The following BTN3A1 variants were observed in gnomAD, a reference collection of about 807,000 sequenced individuals.
BTN3A1 encodes butyrophilin subfamily 3 member A1.
A neutral mutation model predicts 43.0 loss-of-function variants in BTN3A1; 24 were observed. That is an observed-to-expected ratio of 0.56 (90% CI 0.40 to 0.78). BTN3A1 has a LOEUF of 0.78. BTN3A1 is among the 30% of genes least tolerant of loss of function. BTN3A1 has a pLI of 0.00. For synonymous variants in BTN3A1, 181 were observed against 234.7 expected (o/e 0.77, Z 2.09); for missense variants, 533 against 626.2 (o/e 0.85, Z 1.59).
At chr6:26,405,679 GCAGA>G (rs1299399107) in intron 2 of BTN3A1, 31 bp downstream of exon 2, 6 of 1,611,848 alleles carry the variant, frequency 3.7e-6, no homozygotes, top group Middle Eastern at 3.3e-4. Flanking sequence ...TGTTTCTGAA[GCAGA>G]CAATTACCTA....
intron 1 of BTN3A1, among the ~76,000 whole-genome samples, chr6:26,404,975 G>C (rs555792442): frequency 6.6e-6 from 1 of 152,318 alleles, no homozygotes; most frequent in Admixed American, 6.5e-5. Flanking sequence ...AGGGAAGAAA[G>C]AAAAGGTAAG....
chr6:26,405,342 T>A, intron 1 of BTN3A1, 30 bp from the exon 2 acceptor site: 1 of 599,070 alleles, frequency 1.7e-6, no homozygotes. Flanking sequence ...GAATAACAGA[T>A]GTGCATTTCA....
At chr6:26,404,709 A>G (rs1761954099) in intron 1 of BTN3A1, among the ~76,000 whole-genome samples, 1 of 152,220 alleles carries the variant, frequency 6.6e-6, no homozygotes, top group Admixed American at 6.5e-5. Flanking sequence ...TTCTGTCTGC[A>G]CCCATGCAAG....
Position 26,413,168 on chromosome 6 carries a change from G to GATGTGATT in BTN3A1, c.1019-1_1019insATGTGATT (p.Ala340AspfsTer6), listed in dbSNP as rs1762276701. 1 of 1,609,234 alleles carries GATGTGATT rather than the reference G, an allele frequency of 6.2e-7. No homozygotes were observed. Among genetic ancestry groups the GATGTGATT allele is most frequent in the African/African-American group, 1.3e-5 (1 of 74,844 alleles). ...TGGACACTTCCTCAAACTCTCTGCA[G>GATGTGATT]CGGATGTGATTCTGGATCCAAAAAC... is the stretch of plus-strand genomic sequence containing the variant. On this transcript the variant is annotated frameshift_variant and splice_region_variant. Transcript: ENST00000289361. LOFTEE classifies it high-confidence loss of function.
chr6:26,409,836 T>C, intron 5 of BTN3A1, 58 bp from the exon 6 acceptor site: 1 of 1,613,620 alleles, frequency 6.2e-7, no homozygotes, highest in Non-Finnish European at 8.5e-7. Context: ...TTAAGGTTAA[T>C]TTTTTAGAAA....
Position 26,407,908 on chromosome 6 carries a change from G to A in BTN3A1, c.671G>A (p.Ser224Asn), listed in dbSNP as rs1057933. Residue 224 changes from serine (S) to asparagine (N), a missense_variant, in exon 4 of 10, where the codon AGT (serine) becomes AAT (asparagine). Ser to Asn is a conservative substitution (Grantham distance 46). Transcript: ENST00000289361. ...SGEGVSCTIR[S>N]SLLGLEKTAS... ...GAGGGTGTATCCTGTACCATCAGAA[G>A]TTCCCTCCTCGGCCTGGAAAAGACA... 2.5e-6 allele frequency: 4 copies of A among 1,614,106 alleles called. No individual in the cohort carries two copies. Among genetic ancestry groups the A allele is most frequent in the Admixed American group, 3.3e-5 (2 of 60,008 alleles).
Position 26,406,161 on chromosome 6 carries a change from T to A in BTN3A1, c.338T>A (p.Ile113Lys). The A allele has an allele frequency of 6.6e-6, 10 of 1,508,822 alleles. No individual in the cohort carries two copies. Among genetic ancestry groups the A allele is most frequent in the Non-Finnish European group, 7.2e-6 (8 of 1,103,480 alleles). 93.5% of individuals were successfully genotyped at this position (1,508,822 alleles called of 1,614,324 possible). A position where few individuals can be genotyped will look rare whatever the true frequency, so the allele number is the denominator to read the frequency against. Residue 113 changes from isoleucine (I) to lysine (K), a missense_variant, in exon 3 of 10, where the codon ATA becomes AAA. Around this residue, in one of 4 missense-constraint regions of BTN3A1, gnomAD observed 51 missense variants for 90.9 expected, o/e 0.56. Transcript: ENST00000289361. ...GITAGKAALR[I>K]HNVTASDSGK... ...ACTGCAGGGAAGGCTGCTCTCCGAA[T>A]ACACAACGTCACAGCCTCTGACAGT...
At position 26,405,934 on chromosome 6, in the gene BTN3A1, T is replaced by C. The variant is rs752346032; in HGVS notation, c.111T>C (p.Ser37=). Residue 37 remains serine (S), a synonymous_variant, in exon 3 of 10, where the codon TCT becomes TCC. Transcript: ENST00000289361. ...HSAQFSVLGP[S]GPILAMVGED... is the part of the protein sequence containing the mutation. ...CTCAGTTTTCTGTGCTTGGACCCTCTGGGCCCATCCTGGCCATGGTGGGTG... is the reference window on the plus strand; with the variant it reads ...CTCAGTTTTCTGTGCTTGGACCCTCCGGGCCCATCCTGGCCATGGTGGGTG... 3 of 1,613,728 alleles carry C rather than the reference T, an allele frequency of 1.9e-6. No individual in the cohort carries two copies. Among genetic ancestry groups the C allele is most frequent in the South Asian group, 1.1e-5 (1 of 91,068 alleles).
At chr6:26,408,323 T>G (rs75782365) in intron 4 of BTN3A1, among the ~76,000 whole-genome samples, 7,786 of 152,148 alleles carry the variant, frequency 0.051, 268 homozygotes, top group Non-Finnish European at 0.082. Flanking sequence ...AGTAAAAAAT[T>G]TTAACAAAGG....
intron 4 of BTN3A1, among the ~76,000 whole-genome samples, chr6:26,408,791 T>C (rs1762105917): frequency 6.6e-6 from 1 of 152,202 alleles, no homozygotes; most frequent in South Asian, 2.1e-4. Flanking sequence ...AAAAAAGAGA[T>C]AATTCTCTCT....
At position 26,413,783 on chromosome 6, in the gene BTN3A1, A is replaced by G; in HGVS notation, c.*91A>G. On this transcript the variant is annotated 3_prime_UTR_variant, in exon 10 of 10. Transcript: ENST00000289361. ...CCGGGCTTAGCTAACGAAAGTGGGG[A>G]GCCTCAGGCTGAAGTAACTTTTCTC... The G allele has an allele frequency of 6.2e-7, 1 of 1,601,488 alleles. No homozygotes were observed. Among genetic ancestry groups the G allele is most frequent in the East Asian group, 2.2e-5 (1 of 44,858 alleles).
intron 7 of BTN3A1, among the ~76,000 whole-genome samples, chr6:26,410,356 C>T (rs1388123324): frequency 2.0e-5 from 3 of 152,106 alleles, no homozygotes; most frequent in Admixed American, 6.6e-5. Flanking sequence ...GACTCTATAG[C>T]CCTGCAAAGC....
intron 1 of BTN3A1, among the ~76,000 whole-genome samples, chr6:26,404,784 C>T (rs1386017400): frequency 9.9e-5 from 15 of 152,214 alleles, no homozygotes; most frequent in South Asian, 2.1e-4. Flanking sequence ...CTAAATTTCA[C>T]ACTTCATGAT....
chr6:26,403,579 G>A (rs978432693), intron 1 of BTN3A1, among the ~76,000 whole-genome samples: 2 of 149,904 alleles, frequency 1.3e-5, no homozygotes, highest in South Asian at 4.2e-4. Flanking sequence ...CCTTAGCAAA[G>A]CATATAACTT....
intron 7 of BTN3A1, among the ~76,000 whole-genome samples, chr6:26,410,513 A>C (rs1395702676): frequency 1.3e-5 from 2 of 152,084 alleles, no homozygotes; most frequent in East Asian, 3.9e-4. Flanking sequence ...AAGAACAAGA[A>C]AATCTGAAAA....
rs1214999268 is a variant in BTN3A1, at chr6:26,413,592, A to G, written c.1442A>G (p.His481Arg). 2 of 1,614,182 alleles carry G rather than the reference A, an allele frequency of 1.2e-6. No individual in the cohort carries two copies. The highest frequency in any genetic ancestry group is 1.7e-6 in the Non-Finnish European group (2 of 1,180,038). ...TTCTACAATGCTGTGGATGGATCGC[A>G]TATTCATACTTTCCTGGACGTCTCC... ...ISFYNAVDGS[H>R]IHTFLDVSFS... Residue 481 changes from histidine (H) to arginine (R), a missense_variant, in exon 10 of 10, where the codon CAT becomes CGT. Transcript: ENST00000289361.
Position 26,406,225 on chromosome 6 carries a change from T to C in BTN3A1, c.402T>C (p.Tyr134=), listed in dbSNP as rs537072716. The change falls in exon 3 of 10, where the codon TAT becomes TAC. Residue 134 remains tyrosine, a synonymous_variant. Coordinates refer to ENST00000289361, the MANE Select transcript of BTN3A1 (RefSeq NM_007048.6). ...GTTATTTCCAAGATGGTGACTTCTA[T>C]GAAAAAGCCCTGGTGGAGCTGAAGG... ...YLCYFQDGDF[Y]EKALVELKVA... The C allele has an allele frequency of 6.2e-5, 84 of 1,362,188 alleles. No homozygotes were observed. The highest frequency in any genetic ancestry group is 5.0e-4 in the African/African-American group (30 of 59,460). The allele number at this position is 1,362,188 out of a possible 1,614,324, so 84.4% of individuals were successfully genotyped here.
At chr6:26,409,809 G>T (rs186270774) in intron 5 of BTN3A1, 76 bp downstream of exon 5, 58 of 1,609,942 alleles carry the variant, frequency 3.6e-5, no homozygotes, top group Non-Finnish European at 4.5e-5. Flanking sequence ...CATCCCCACC[G>T]CAGAGCTCAG....
chr6:26,415,006 C>T lies in BTN3A1; in HGVS notation c.*1314C>T, dbSNP rs1011477783. On this transcript the variant is annotated 3_prime_UTR_variant, in exon 10 of 10. Coordinates refer to ENST00000289361, the MANE Select transcript of BTN3A1 (RefSeq NM_007048.6). Reference sequence around the variant, plus strand: ...CGGCTTACAGGGATATTTTTAATCCCGTTATGGACTCTGTCTCCAGGAGAG... The same window carrying T: ...CGGCTTACAGGGATATTTTTAATCCTGTTATGGACTCTGTCTCCAGGAGAG... 5 of 152,074 alleles carry T rather than the reference C, an allele frequency of 3.3e-5. No homozygotes were observed. Among genetic ancestry groups the T allele is most frequent in the African/African-American group, 7.3e-5 (3 of 41,378 alleles). The allele number at this position is 152,074 out of a possible 1,614,324, so 9.4% of individuals were successfully genotyped here.
Sources: allele counts gnomAD v4.1 joint callset (sites outside exome capture counted in the v4.1 genomes callset), GRCh38; gene constraint gnomAD v4.1.1; regional missense constraint gnomAD v4.1.1; transcripts MANE v1.5; gene names NCBI Gene and HGNC (gene_info 2026-07-23, HGNC 2026-07-21).